STAMBPL1: variants seen among roughly 807,000 people sequenced by gnomAD.
The protein encoded by STAMBPL1 is STAM binding protein like 1.
STAMBPL1 carries 44 observed loss-of-function variants against 52.9 expected under a neutral mutation model. The ratio of observed to expected loss-of-function variants is 0.83; its 90% confidence interval spans 0.65 to 1.07. The LOEUF (loss-of-function observed/expected upper bound fraction) is 1.07, where lower values mean the gene tolerates loss of function less well. STAMBPL1 is among the 50% of genes least tolerant of loss of function. The pLI is 0.00. For missense variants in STAMBPL1, 511 were observed against 520.8 expected (o/e 0.98, Z 0.18); for synonymous variants, 164 against 177.3 (o/e 0.92, Z 0.60).
chr10:88,883,797 C>T (rs1039144875), intron 1 of STAMBPL1, among the ~76,000 whole-genome samples: 2 of 152,114 alleles, frequency 1.3e-5, no homozygotes, highest in African/African-American at 4.8e-5. Flanking sequence ...GATATAAACA[C>T]CAGTAATTCT....
intron 8 of STAMBPL1, among the ~76,000 whole-genome samples, chr10:88,919,065 GCAA>G (rs1437125005): frequency 3.3e-5 from 5 of 152,072 alleles, no homozygotes; most frequent in African/African-American, 9.7e-5. Flanking sequence ...TATAATAATA[GCAA>G]CAAATTCCAG....
intron 7 of STAMBPL1, 112 bp downstream of exon 7, chr10:88,914,770 C>T (rs955534987): frequency 5.0e-6 from 2 of 400,330 alleles, no homozygotes; most frequent in Admixed American, 5.0e-5. Flanking sequence ...TAAGAGTTAT[C>T]AATATTATGA....
chr10:88,887,500 T>C (rs1844566636), intron 1 of STAMBPL1, among the ~76,000 whole-genome samples: 1 of 152,186 alleles, frequency 6.6e-6, no homozygotes, highest in South Asian at 2.1e-4. Flanking sequence ...AGATGATTAT[T>C]CAAAAGGTTT....
intron 5 of STAMBPL1, 137 bp downstream of exon 5, chr10:88,911,148 T>C: frequency 5.8e-6 from 3 of 518,024 alleles, no homozygotes; most frequent in Non-Finnish European, 9.8e-6. Flanking sequence ...ATGGAACCAA[T>C]AAAAAATTTA....
chr10:88,922,338 A>G lies in STAMBPL1; in HGVS notation c.1156A>G (p.Thr386Ala), dbSNP rs1845534017. The G allele has an allele frequency of 2.5e-6, 4 of 1,613,134 alleles. No individual in the cohort carries two copies. Among genetic ancestry groups the G allele is most frequent in the Non-Finnish European group, 3.4e-6 (4 of 1,179,620 alleles). Residue 386 changes from threonine (T) to alanine (A), a missense_variant and splice_region_variant, in exon 10 of 11, where the codon ACT (threonine) becomes GCT (alanine). By Grantham distance (58) the Thr-to-Ala change is moderately conservative. Around this residue, in one of 3 missense-constraint regions of STAMBPL1, gnomAD observed 137 missense variants for 139.9 expected, o/e 0.98. Coordinates refer to ENST00000371926, the MANE Select transcript of STAMBPL1 (RefSeq NM_020799.4). ...AIVCSPKHKD[T>A]GIFRLTNAGM... The stretch of plus-strand genomic sequence containing the variant: ...TCTTGTTTTTGCTCTGAAATTTAGC[A>G]CTGGCATCTTCAGGCTCACCAATGC...
chr10:88,897,797 C>T (rs1844849460), intron 1 of STAMBPL1, among the ~76,000 whole-genome samples: 1 of 152,194 alleles, frequency 6.6e-6, no homozygotes, highest in Non-Finnish European at 1.5e-5. Context: ...GCACCGTGTG[C>T]TTTGTAGCAC....
At chr10:88,896,862 GCA>G (rs139436965) in intron 1 of STAMBPL1, among the ~76,000 whole-genome samples, 2 of 150,796 alleles carry the variant, frequency 1.3e-5, no homozygotes, top group African/African-American at 2.4e-5. Context: ...ATGCACGCAC[GCA>G]CACACACACA....
chr10:88,890,018 G>C (rs937896694), intron 1 of STAMBPL1, among the ~76,000 whole-genome samples: 11 of 152,190 alleles, frequency 7.2e-5, no homozygotes, highest in African/African-American at 2.7e-4. Flanking sequence ...GTAATCAAGA[G>C]AGTGACCTAG....
At chr10:88,880,853 T>C (rs1366385019) in intron 1 of STAMBPL1, among the ~76,000 whole-genome samples, 2 of 152,138 alleles carry the variant, frequency 1.3e-5, no homozygotes, top group African/African-American at 4.8e-5. Context: ...GCGCCGCCTG[T>C]ATGCGCCCCT....
At chr10:88,886,831 A>G (rs2133119570) in intron 1 of STAMBPL1, among the ~76,000 whole-genome samples, 1 of 152,334 alleles carries the variant, frequency 6.6e-6, no homozygotes, top group Non-Finnish European at 1.5e-5. Context: ...TAGTGCACTA[A>G]TCAGCTATGC....
At chr10:88,903,309 A>G (rs948384849) in intron 2 of STAMBPL1, among the ~76,000 whole-genome samples, 2 of 152,002 alleles carry the variant, frequency 1.3e-5, no homozygotes, top group African/African-American at 2.4e-5. Flanking sequence ...GGGAAAAAAA[A>G]CTAATTATAA....
intron 2 of STAMBPL1, 74 bp from the exon 3 acceptor site, chr10:88,905,369 T>C: frequency 8.7e-7 from 1 of 1,152,104 alleles, no homozygotes; most frequent in Non-Finnish European, 1.3e-6. Flanking sequence ...AAAGAACATA[T>C]GTCCATAATA....
At chr10:88,881,197 T>C (rs11202877) in intron 1 of STAMBPL1, among the ~76,000 whole-genome samples, 10,648 of 152,170 alleles carry the variant, frequency 0.07, 798 homozygotes, top group East Asian at 0.19. Flanking sequence ...AAGCTTTCGC[T>C]GAAAGCCCCC....
intron 1 of STAMBPL1, chr10:88,882,985 A>C (rs572486873): frequency 6.6e-6 from 1 of 150,946 alleles, no homozygotes; most frequent in Admixed American, 6.6e-5. Flanking sequence ...CATTAGGTAT[A>C]TCTCGTAATG....
chr10:88,887,540 CT>C (rs1035284390), intron 1 of STAMBPL1, among the ~76,000 whole-genome samples: 4 of 152,082 alleles, frequency 2.6e-5, no homozygotes, highest in African/African-American at 9.7e-5. Context: ...TCCTTTATAT[CT>C]TTTTAAAACA....
At chr10:88,901,441 A>C (rs1214564038) in intron 1 of STAMBPL1, 1 of 341,350 alleles carries the variant, frequency 2.9e-6, no homozygotes, top group African/African-American at 2.1e-5. Flanking sequence ...TTATTTTCAC[A>C]CCTTCACTTT....
chr10:88,885,266 C>T (rs930747106), intron 1 of STAMBPL1, among the ~76,000 whole-genome samples: 1 of 152,136 alleles, frequency 6.6e-6, no homozygotes, highest in African/African-American at 2.4e-5. Flanking sequence ...AGGGGCTTGT[C>T]CTCATGGAGC....
rs2133226318 is a variant in STAMBPL1 at position 88,923,448 on chromosome 10, C to G, written c.*224C>G. On this transcript the variant is annotated 3_prime_UTR_variant, in exon 11 of 11. Transcript: ENST00000371926. ...GTTAAATCGGTACCTGATAATGTAC[C>G]CAAATACTATGGCCAGATAATAAAT... 8.0e-7 allele frequency: 1 copy of G among 1,243,608 alleles called. No individual in the cohort carries two copies. Among genetic ancestry groups the G allele is most frequent in the African/African-American group, 1.6e-5 (1 of 64,130 alleles). 77.0% of individuals were successfully genotyped at this position (1,243,608 alleles called of 1,614,324 possible).
At chr10:88,881,188 A>C (rs2133104426) in intron 1 of STAMBPL1, among the ~76,000 whole-genome samples, 1 of 152,286 alleles carries the variant, frequency 6.6e-6, no homozygotes, top group Non-Finnish European at 1.5e-5. Context: ...AATAACTTAA[A>C]GCTTTCGCTG....
Sources: allele counts gnomAD v4.1 joint callset (sites outside exome capture counted in the v4.1 genomes callset), GRCh38; gene constraint gnomAD v4.1.1; regional missense constraint gnomAD v4.1.1; transcripts MANE v1.5; gene names NCBI Gene and HGNC (gene_info 2026-07-23, HGNC 2026-07-21).